The following DNAJC9 variants were observed in gnomAD, a reference collection of about 807,000 sequenced individuals.
DNAJC9 encodes the protein DnaJ heat shock protein family (Hsp40) member C9.
In DNAJC9, 18 loss-of-function variants were observed where a neutral mutation model predicts 32.4. The ratio of observed to expected loss-of-function variants is 0.56; its 90% CI spans 0.38 to 0.82. DNAJC9 has a LOEUF of 0.82. Ranked by LOEUF, DNAJC9 falls within the 40% of genes least tolerant of loss-of-function variation. The probability of loss-of-function intolerance (pLI) is 0.00; values close to 1 mark genes in which losing one functional copy is unlikely to be tolerated. For missense variants in DNAJC9, 310 were observed against 321.8 expected, an observed-to-expected ratio of 0.96 and a Z score of 0.28; for synonymous variants, 113 against 122.1, an observed-to-expected ratio of 0.93 and a Z score of 0.49.
At chr10:73,238,217 C>T (rs2043865966), downstream of DNAJC9, among the ~76,000 whole-genome samples, 1 of 152,082 alleles carries the variant, frequency 6.6e-6, no homozygotes, top group South Asian at 2.1e-4. Context: ...CATGGTGGTG[C>T]ATGCCTGTAA....
In DNAJC9 at chr10:73,243,318, A is replaced by C; in HGVS notation, c.*82T>G. 7 of 1,517,844 alleles carry C rather than the reference A, an allele frequency of 4.6e-6. No homozygotes were observed. The South Asian group carries it at 8.2e-5, about 18-fold the overall frequency. The allele number at this position is 1,517,844 out of a possible 1,614,324, so 94.0% of individuals were successfully genotyped here. ...ACACCTTTTCTCAAGAGCTGAATTG[A>C]CTTTTGCCTTCAAATCCTGCCTGCA... is the stretch of plus-strand genomic sequence containing the variant. On this transcript the variant is annotated 3_prime_UTR_variant, in exon 5 of 5. Transcript: ENST00000372950.
intron 3 of DNAJC9, 147 bp downstream of exon 3, chr10:73,245,775 A>T: frequency 1.1e-6 from 1 of 900,682 alleles, no homozygotes; most frequent in South Asian, 1.9e-5. Context: ...ATGAACTGGT[A>T]TGCCCATTTT....
intron 1 of DNAJC9, 67 bp downstream of exon 1, chr10:73,246,943 C>A (rs1589207355): frequency 1.9e-6 from 3 of 1,568,552 alleles, no homozygotes; most frequent in East Asian, 2.3e-5. Context: ...CGGGGCGGGG[C>A]CCGGTAGCCA....
In DNAJC9 at chr10:73,242,570, G is replaced by A. The variant is rs2043967012; in HGVS notation, c.*830C>T. 6.6e-6 allele frequency: 1 copy of A among 152,076 alleles called. No individual in the cohort carries two copies. The highest frequency in any genetic ancestry group is 1.5e-5 in the Non-Finnish European group (1 of 68,034). 9.4% of individuals were successfully genotyped at this position (152,076 alleles called of 1,614,324 possible). ...TTTGGATTTCACTCTTTGTTTTGATGTAGTAACTCTTTTATAAAAGGGAAC... is the reference window on the plus strand; with the variant it reads ...TTTGGATTTCACTCTTTGTTTTGATATAGTAACTCTTTTATAAAAGGGAAC... On this transcript the variant is annotated 3_prime_UTR_variant, in exon 5 of 5. Transcript: ENST00000372950.
At chr10:73,243,751 TAAAAG>T (rs925543453) in intron 4 of DNAJC9, 87 bp downstream of exon 4, 7 of 1,308,320 alleles carry the variant, frequency 5.4e-6, no homozygotes, top group Middle Eastern at 2.1e-4. Flanking sequence ...GGTTATGTCT[TAAAAG>T]AAGAAAACAA....
At chr10:73,239,801 T>C (rs1268201443), downstream of DNAJC9, among the ~76,000 whole-genome samples, 1 of 152,228 alleles carries the variant, frequency 6.6e-6, no homozygotes, top group Non-Finnish European at 1.5e-5. Context: ...GTTAATCTGT[T>C]AGGCCAAGGT....
chr10:73,241,182 C>A, downstream of DNAJC9: 2 of 590,238 alleles, frequency 3.4e-6, no homozygotes, highest in Admixed American at 2.6e-5. Flanking sequence ...CCATAGCAGC[C>A]AAAAATGACA....
downstream of DNAJC9, chr10:73,234,246 C>CT (rs1190797133): frequency 6.5e-6 from 1 of 154,116 alleles, no homozygotes; most frequent in African/African-American, 2.4e-5. Flanking sequence ...GATGAGTAGT[C>CT]TTGATGTATA....
At chr10:73,236,256 G>A (rs912082456), downstream of DNAJC9, among the ~76,000 whole-genome samples, 2 of 152,154 alleles carry the variant, frequency 1.3e-5, no homozygotes, top group Non-Finnish European at 2.9e-5. Context: ...TTTCCTCACA[G>A]TTCCAGAGGC....
rs2043973843 is a variant in DNAJC9 at position 73,243,233 on chromosome 10, T to C, written c.*167A>G. Reference sequence around the variant, plus strand: ...ATGTCAAGTGCTTTCTAGGAAATACTAAGATCAGGTTGAGAGATTCTGCTT... The same window carrying C: ...ATGTCAAGTGCTTTCTAGGAAATACCAAGATCAGGTTGAGAGATTCTGCTT... On this transcript the variant is annotated 3_prime_UTR_variant, in exon 5 of 5. Coordinates refer to ENST00000372950, the MANE Select transcript of DNAJC9 (RefSeq NM_015190.5). The C allele has an allele frequency of 2.9e-6, 2 of 688,022 alleles. No homozygotes were observed. The highest frequency in any genetic ancestry group is 5.4e-5 in the Admixed American group (2 of 36,738). The allele number at this position is 688,022 out of a possible 1,614,324, so 42.6% of individuals were successfully genotyped here.
Position 73,246,701 on chromosome 10 carries a change from A to G in DNAJC9, c.308T>C (p.Leu103Pro), listed in dbSNP as rs1381412473. The G allele has an allele frequency of 1.9e-6, 3 of 1,613,864 alleles. No individual in the cohort carries two copies. ...AGAGTCCTTTACCTTTTTAAAGAGT[A>G]GCCGCCAATACGCCTCCCAGTCTCG... The part of the protein sequence containing the change: ...QDRDWEAYWR[L>P]LFKKISLEDI... Residue 103 changes from leucine (L) to proline (P), a missense_variant, in exon 2 of 5, where the codon CTA (leucine) becomes CCA (proline). Coordinates refer to ENST00000372950, the MANE Select transcript of DNAJC9 (RefSeq NM_015190.5).
chr10:73,244,520 A>T (rs1263531385), intron 3 of DNAJC9: 1 of 151,590 alleles, frequency 6.6e-6, no homozygotes, highest in Non-Finnish European at 1.5e-5. Flanking sequence ...AAAAAAAAAA[A>T]GGCAAATGAT....
chr10:73,241,196 G>A, downstream of DNAJC9: 1 of 576,104 alleles, frequency 1.7e-6, no homozygotes, highest in Non-Finnish European at 3.1e-6. Flanking sequence ...AATGACATGA[G>A]TGTTGTTTCT....
At chr10:73,238,581 C>A (rs1334587860), downstream of DNAJC9, among the ~76,000 whole-genome samples, 1 of 152,240 alleles carries the variant, frequency 6.6e-6, no homozygotes, top group Non-Finnish European at 1.5e-5. Flanking sequence ...GTAATTGCAA[C>A]AACCACCCTA....
chr10:73,240,437 G>A (rs1425624893), downstream of DNAJC9, among the ~76,000 whole-genome samples: 1 of 152,178 alleles, frequency 6.6e-6, no homozygotes, highest in Non-Finnish European at 1.5e-5. Context: ...AACTGGCTGG[G>A]CGTGGTGGCT....
rs781332236 is a variant in DNAJC9, at chr10:73,243,544, C to T, written c.664-25G>A. The T allele has an allele frequency of 9.3e-6, 15 of 1,613,558 alleles. No homozygotes were observed. The East Asian group carries it at 3.3e-4, about 36-fold the overall frequency. On this transcript the variant is annotated intron_variant, in intron 4 of 4. Transcript: ENST00000372950. The stretch of plus-strand genomic sequence containing the variant: ...TCTGTTTGAGAAGTTAAAACACAAG[C>T]TTTCACAACATTATCCATAGACAGA...
In DNAJC9 at chr10:73,246,825, G is replaced by A. The variant is rs2044017622; in HGVS notation, c.184C>T (p.Leu62=). The change falls in exon 2 of 5, where the codon CTG becomes TTG. Residue 62 remains leucine (L), a synonymous_variant. Coordinates refer to ENST00000372950, the MANE Select transcript of DNAJC9 (RefSeq NM_015190.5). The stretch of plus-strand genomic sequence containing the variant: ...CTGAGAACGGAATAGACTTTTCCCA[G>A]GATCTGAGGGCAAAGAGTATCCGTA... ...KEDATRRFQI[L]GKVYSVLSDR... 1.2e-6 allele frequency: 2 copies of A among 1,614,064 alleles called. No individual in the cohort carries two copies. Among genetic ancestry groups the A allele is most frequent in the African/African-American group, 1.3e-5 (1 of 75,072 alleles).
Position 73,233,211 on chromosome 10 carries a change from A to G in DNAJC9, n.147+10632T>C, listed in dbSNP as rs41280384. 5,927 of 1,231,548 alleles carry G rather than the reference A, an allele frequency of 4.8e-3. 18 individuals are homozygous for G. Among genetic ancestry groups the G allele is most frequent in the Non-Finnish European group, 5.8e-3 (4,942 of 856,986 alleles). The allele number at this position is 1,231,548 out of a possible 1,614,324, so 76.3% of individuals were successfully genotyped here. A position where few individuals can be genotyped will look rare whatever the true frequency, so the allele number is the denominator to read the frequency against. ...CTGGAAACCGTGGTAAAACTAACAC[A>G]TTTTACATACAGAATTAATTTAAAT... On this transcript the variant is annotated intron_variant and non_coding_transcript_variant, in intron 2 of 2. Transcript: ENST00000469143.
rs934679301 is a variant in DNAJC9 at position 73,246,613 on chromosome 10, T to C, written c.321+75A>G. 30 of 1,532,798 alleles carry C rather than the reference T, an allele frequency of 2.0e-5. No homozygotes were observed. In the South Asian group the frequency reaches 3.3e-4, roughly 17 times the overall value. 94.9% of individuals were successfully genotyped at this position (1,532,798 alleles called of 1,614,324 possible). On this transcript the variant is annotated intron_variant, in intron 2 of 4. Transcript: ENST00000372950. ...TACAAAATTAACACAAAATACAAGA[T>C]CTTAGAGGCAGTCAATAAAGGTTTG...
Sources: gnomAD v4.1 joint callset for allele counts (sites outside exome capture counted in the v4.1 genomes callset) on GRCh38, gnomAD v4.1.1 for gene constraint, MANE v1.5 for transcripts, NCBI Gene and HGNC (gene_info 2026-07-23, HGNC 2026-07-21) for gene names.